Variants in RBFOX1 observed in about 807,000 individuals in gnomAD.
RBFOX1 encodes the protein RNA binding fox-1 homolog 1.
RBFOX1 carries 8 observed loss-of-function variants against 57.7 expected under a neutral mutation model. The ratio of observed to expected loss-of-function variants is 0.14; its 90% confidence interval spans 0.08 to 0.25. RBFOX1 has a LOEUF of 0.25. RBFOX1 is among the 10% of genes least tolerant of loss of function. The pLI is 1.00. For synonymous variants in RBFOX1, 326 were observed against 222.4 expected (o/e 1.47, Z -4.15); for missense variants, 611 against 548.5 (o/e 1.11, Z -1.14).
At position 6,780,099 on chromosome 16, in the gene RBFOX1, T is replaced by A. The variant is rs867517926; in HGVS notation, c.-16+125449T>A. Among the ~76,000 whole-genome samples the A allele has an allele frequency of 3.9e-3, 75 of 19,442 alleles. 19 individuals carry two copies. Among genetic ancestry groups the A allele is most frequent in the African/African-American group, 0.027 (57 of 2,086 alleles). 12.8% of individuals were successfully genotyped at this position (19,442 alleles called of 152,430 possible). A position where few individuals can be genotyped will look rare whatever the true frequency, so the allele number is the denominator to read the frequency against. ...TACATATTTATATATATTTATATAT[T>A]TTTATATATTTATATATATTTATAT... is the stretch of plus-strand genomic sequence containing the variant. On this transcript the variant is annotated intron_variant, in intron 3 of 15. Transcript: ENST00000550418.
chr16:7,494,180 G>A (rs1160600647), intron 4 of RBFOX1, among the ~76,000 whole-genome samples: 1 of 152,186 alleles, frequency 6.6e-6, no homozygotes, highest in Non-Finnish European at 1.5e-5. Context: ...GGACTGGGAT[G>A]TTTGTCAATT....
chr16:5,687,339 G>A (rs981879810), intron 3 of RBFOX1, among the ~76,000 whole-genome samples: 12 of 151,928 alleles, frequency 7.9e-5, no homozygotes, highest in African/African-American at 1.2e-4. Context: ...GTGTAGAGTC[G>A]CCTGCTTACC....
chr16:6,851,454 T>G (rs1040941859), intron 3 of RBFOX1, among the ~76,000 whole-genome samples: 1 of 152,220 alleles, frequency 6.6e-6, no homozygotes, highest in African/African-American at 2.4e-5. Context: ...TCTACAGTTA[T>G]CTCAAAAAGT....
At chr16:7,652,569 G>A (rs923450137) in intron 11 of RBFOX1, among the ~76,000 whole-genome samples, 1 of 152,104 alleles carries the variant, frequency 6.6e-6, no homozygotes, top group Non-Finnish European at 1.5e-5. Context: ...CACCACGCCT[G>A]ACCAATTTTT....
In RBFOX1 at chr16:7,446,338, A is replaced by G. The variant is rs114456338; in HGVS notation, c.28-71809A>G. ...GGAGTCACTTTATCCATGTTGTCCC[A>G]GGAATGAAAATGGTGTGAATCTAAT... On this transcript the variant is annotated intron_variant, in intron 4 of 15. Coordinates refer to ENST00000550418, the MANE Select transcript of RBFOX1 (RefSeq NM_018723.4). Among the ~76,000 whole-genome samples, 769 of 152,330 alleles carry G rather than the reference A, an allele frequency of 5.0e-3. 9 individuals carry two copies. The highest frequency in any genetic ancestry group is 0.018 in the African/African-American group (732 of 41,572).
chr16:7,574,136 G>A (rs550850419), intron 5 of RBFOX1, among the ~76,000 whole-genome samples: 1 of 152,278 alleles, frequency 6.6e-6, no homozygotes, highest in South Asian at 2.1e-4. Flanking sequence ...CAGGCAGCAT[G>A]TCTGTCCTTG....
intron 4 of RBFOX1, among the ~76,000 whole-genome samples, chr16:6,009,031 C>T (rs939292329): frequency 7.9e-5 from 12 of 151,686 alleles, no homozygotes; most frequent in African/African-American, 1.2e-4. Flanking sequence ...AATGCCTTTT[C>T]GACTAAAAAT....
At chr16:6,005,692 C>G (rs1248326047) in intron 4 of RBFOX1, among the ~76,000 whole-genome samples, 1 of 152,142 alleles carries the variant, frequency 6.6e-6, no homozygotes, top group Non-Finnish European at 1.5e-5. Flanking sequence ...CCAAATGCCC[C>G]TGGGGGAAAA....
At chr16:5,590,024 C>T (rs376783470) in intron 2 of RBFOX1, among the ~76,000 whole-genome samples, 5 of 148,318 alleles carry the variant, frequency 3.4e-5, no homozygotes, top group East Asian at 4.0e-4. Flanking sequence ...AACAGCCTAG[C>T]GTTTCAGAGG....
At chr16:5,621,007 A>AT (rs2048185767) in intron 3 of RBFOX1, among the ~76,000 whole-genome samples, 2 of 152,008 alleles carry the variant, frequency 1.3e-5, no homozygotes, top group African/African-American at 2.4e-5. Context: ...CGCCCAGCTA[A>AT]TTTTTTGTAT....
intron 3 of RBFOX1, among the ~76,000 whole-genome samples, chr16:6,758,941 G>A (rs1232361064): frequency 6.6e-6 from 1 of 152,026 alleles, no homozygotes; most frequent in African/African-American, 2.4e-5. Context: ...TTAGAAAGAG[G>A]AAAAGCCTTT....
At chr16:5,322,840 A>C (rs2064450935) in intron 1 of RBFOX1, among the ~76,000 whole-genome samples, 1 of 152,220 alleles carries the variant, frequency 6.6e-6, no homozygotes, top group Non-Finnish European at 1.5e-5. Flanking sequence ...CACTTAGGGC[A>C]CTTAGCAGAG....
intron 3 of RBFOX1, among the ~76,000 whole-genome samples, chr16:6,888,169 G>A (rs1277769933): frequency 6.6e-6 from 1 of 152,080 alleles, no homozygotes; most frequent in Non-Finnish European, 1.5e-5. Context: ...CAGTAGTTGT[G>A]ACATTTTGAA....
chr16:6,329,271 C>T (rs1326372087), intron 2 of RBFOX1, among the ~76,000 whole-genome samples: 2 of 152,184 alleles, frequency 1.3e-5, no homozygotes, highest in African/African-American at 4.8e-5. Flanking sequence ...AAGAAGTTTA[C>T]AAGCATCACC....
At chr16:7,375,443 C>G (rs1322414048) in intron 4 of RBFOX1, among the ~76,000 whole-genome samples, 1 of 151,590 alleles carries the variant, frequency 6.6e-6, no homozygotes, top group Non-Finnish European at 1.5e-5. Context: ...GCTATGGAAT[C>G]TCAATCCAGG....
chr16:5,960,695 A>G (rs1024399553), intron 4 of RBFOX1, among the ~76,000 whole-genome samples: 4 of 152,160 alleles, frequency 2.6e-5, no homozygotes, highest in Non-Finnish European at 4.4e-5. Context: ...AAGAGTTTTC[A>G]ACTTCACAGA....
chr16:6,825,310 A>C (rs1037114588), intron 3 of RBFOX1, among the ~76,000 whole-genome samples: 5 of 151,474 alleles, frequency 3.3e-5, no homozygotes, highest in Non-Finnish European at 4.4e-5. Context: ...GATATTGCCC[A>C]TGTTCCCCTG....
At chr16:6,289,690 A>G (rs1405533485) in intron 1 of RBFOX1, among the ~76,000 whole-genome samples, 2 of 152,162 alleles carry the variant, frequency 1.3e-5, no homozygotes, top group Admixed American at 1.3e-4. Flanking sequence ...ATTGAGCAAT[A>G]GGAATTATAA....
intron 7 of RBFOX1, among the ~76,000 whole-genome samples, chr16:7,592,843 A>G (rs935086647): frequency 6.6e-6 from 1 of 152,154 alleles, no homozygotes; most frequent in African/African-American, 2.4e-5. Context: ...TTTTTCAGAT[A>G]GGGTGTCACC....
Sources: allele counts gnomAD v4.1 joint callset (sites outside exome capture counted in the v4.1 genomes callset), GRCh38; gene constraint gnomAD v4.1.1; transcripts MANE v1.5; gene names NCBI Gene and HGNC (gene_info 2026-07-23, HGNC 2026-07-21).